The following PLCB1 variants were observed in gnomAD, a reference collection of about 807,000 sequenced individuals.
PLCB1 encodes the protein phospholipase C beta 1.
Under a neutral mutation model 161.8 loss-of-function variants are expected in PLCB1, and 46 were observed. The observed-to-expected ratio is 0.28, with a 90% CI of 0.22 to 0.36. The LOEUF is 0.36. Among genes scored for constraint, PLCB1 ranks in the 10% least tolerant of loss-of-function variants. The probability of loss-of-function intolerance (pLI) is 1.00; values close to 1 mark genes in which losing one functional copy is unlikely to be tolerated. For synonymous variants in PLCB1, 517 were observed against 503.7 expected (o/e 1.03, Z -0.35); for missense variants, 1,016 against 1,472.5 (o/e 0.69, Z 5.07).
chr20:8,284,421 G>C (rs919416961), intron 2 of PLCB1, among the ~76,000 whole-genome samples: 6 of 152,074 alleles, frequency 3.9e-5, no homozygotes, highest in Non-Finnish European at 7.3e-5. Flanking sequence ...ACGTGTAAGA[G>C]TGGCCTGAGT....
intron 9 of PLCB1, among the ~76,000 whole-genome samples, chr20:8,672,041 A>G (rs1316802770): frequency 6.6e-6 from 1 of 152,186 alleles, no homozygotes; most frequent in Non-Finnish European, 1.5e-5. Flanking sequence ...TTCTTCTATC[A>G]CTAGATGATG....
At chr20:8,865,121 G>A (rs1987382884) in intron 31 of PLCB1, among the ~76,000 whole-genome samples, 2 of 152,212 alleles carry the variant, frequency 1.3e-5, no homozygotes, top group Non-Finnish European at 2.9e-5. Flanking sequence ...CCTTAATCCA[G>A]TGATAACAAT....
chr20:8,701,879 A>G (rs1401515647), intron 11 of PLCB1, among the ~76,000 whole-genome samples: 1 of 152,222 alleles, frequency 6.6e-6, no homozygotes, highest in African/African-American at 2.4e-5. Flanking sequence ...GGCAGGGAAA[A>G]CATTCCCCCA....
chr20:8,482,949 G>A (rs1982570545), intron 3 of PLCB1, among the ~76,000 whole-genome samples: 2 of 151,496 alleles, frequency 1.3e-5, no homozygotes, highest in African/African-American at 2.4e-5. Flanking sequence ...AAGTGGGATA[G>A]TTATTTAGAG....
intron 19 of PLCB1, among the ~76,000 whole-genome samples, chr20:8,736,313 A>T (rs557691568): frequency 2.0e-5 from 3 of 152,282 alleles, no homozygotes; most frequent in Admixed American, 1.3e-4. Flanking sequence ...AATATTAAAA[A>T]TCTCTTTTAA....
At chr20:8,861,198 G>C (rs1358838089) in intron 31 of PLCB1, among the ~76,000 whole-genome samples, 3 of 152,118 alleles carry the variant, frequency 2.0e-5, no homozygotes, top group Admixed American at 6.5e-5. Context: ...AAAAATGTTG[G>C]TTGTATTTGT....
At chr20:8,435,839 T>C (rs1377169652) in intron 3 of PLCB1, among the ~76,000 whole-genome samples, 2 of 152,186 alleles carry the variant, frequency 1.3e-5, no homozygotes, top group Non-Finnish European at 2.9e-5. Context: ...TTCAAGGAAG[T>C]TGTGACTAAG....
intron 2 of PLCB1, among the ~76,000 whole-genome samples, chr20:8,280,375 G>T (rs1406898829): frequency 3.3e-5 from 5 of 151,776 alleles, no homozygotes; most frequent in African/African-American, 4.8e-5. Context: ...AGTGAAAAAA[G>T]GGGTTATGTG....
intron 3 of PLCB1, among the ~76,000 whole-genome samples, chr20:8,546,188 C>G (rs373759943): frequency 2.9e-5 from 1 of 34,342 alleles, no homozygotes; most frequent in South Asian, 8.7e-4. Context: ...GGTGGCGTAT[C>G]CTGTAGTCCC....
At chr20:8,237,293 T>C (rs1289073392) in intron 2 of PLCB1, among the ~76,000 whole-genome samples, 1 of 152,030 alleles carries the variant, frequency 6.6e-6, no homozygotes, top group Admixed American at 6.6e-5. Flanking sequence ...TTAAGAAAGC[T>C]GTTACCAAAT....
rs373525739 is a variant in PLCB1, at chr20:8,850,205, G to T, written c.3424-31417G>T. On this transcript the variant is annotated intron_variant, in intron 31 of 31. Transcript: ENST00000338037. Reference sequence around the variant, plus strand: ...TGAATATTAATGTCTGTCATAGCCAGAGCAGACACTCTTCAGCTTTTGGGC... The same window carrying T: ...TGAATATTAATGTCTGTCATAGCCATAGCAGACACTCTTCAGCTTTTGGGC... Among the ~76,000 whole-genome samples, 32 of 152,308 alleles carry T rather than the reference G, an allele frequency of 2.1e-4. 1 individual carries two copies. The highest frequency in any genetic ancestry group is 7.5e-4 in the African/African-American group (31 of 41,582).
intron 31 of PLCB1, among the ~76,000 whole-genome samples, chr20:8,878,763 A>ATAAT (rs1222170598): frequency 6.6e-6 from 1 of 151,686 alleles, no homozygotes; most frequent in African/African-American, 2.4e-5. Context: ...TGATATTTCA[A>ATAAT]TAATTTTTAT....
At chr20:8,165,659 T>C (rs543064491) in intron 2 of PLCB1, among the ~76,000 whole-genome samples, 1 of 152,342 alleles carries the variant, frequency 6.6e-6, no homozygotes, top group East Asian at 1.9e-4. Flanking sequence ...GCTCAATCGA[T>C]GTGTGTCAAA....
At chr20:8,549,761 A>G (rs1985706277) in intron 3 of PLCB1, among the ~76,000 whole-genome samples, 1 of 152,086 alleles carries the variant, frequency 6.6e-6, no homozygotes, top group South Asian at 2.1e-4. Flanking sequence ...TGTAGAGACA[A>G]GGTTTTGCCA....
At chr20:8,716,108 A>G in intron 12 of PLCB1, 156 bp from the exon 13 acceptor site, 1 of 626,234 alleles carries the variant, frequency 1.6e-6, no homozygotes, top group Non-Finnish European at 2.9e-6. Flanking sequence ...TCAAATTCAC[A>G]TAAGTTAAGA....
At chr20:8,861,225 G>A (rs971752432) in intron 31 of PLCB1, among the ~76,000 whole-genome samples, 20 of 152,166 alleles carry the variant, frequency 1.3e-4, no homozygotes, top group Non-Finnish European at 1.9e-4. Context: ...AGTAGGAAAT[G>A]CAAACATACT....
intron 4 of PLCB1, among the ~76,000 whole-genome samples, chr20:8,644,460 T>C (rs1389322479): frequency 7.2e-4 from 102 of 140,698 alleles, no homozygotes; most frequent in Admixed American, 1.6e-3. Context: ...CCATCTGGGA[T>C]GTGAGGAGCG....
intron 2 of PLCB1, among the ~76,000 whole-genome samples, chr20:8,365,608 TAAATG>T (rs1986682887): frequency 6.6e-6 from 1 of 152,224 alleles, no homozygotes; most frequent in Non-Finnish European, 1.5e-5. Context: ...TGCTTCTTGT[TAAATG>T]AAAACTATTT....
chr20:8,714,385 T>G (rs1195211141), intron 12 of PLCB1, among the ~76,000 whole-genome samples: 7 of 152,126 alleles, frequency 4.6e-5, no homozygotes, highest in African/African-American at 1.7e-4. Context: ...CTGTACTTCT[T>G]ATCAGCAGCA....
Sources: allele counts gnomAD v4.1 joint callset (sites outside exome capture counted in the v4.1 genomes callset), GRCh38; gene constraint gnomAD v4.1.1; transcripts MANE v1.5; gene names NCBI Gene and HGNC (gene_info 2026-07-23, HGNC 2026-07-21).